The following FLRT2 variants were observed in gnomAD, a reference collection of about 807,000 sequenced individuals.
FLRT2 encodes the protein leucine-rich repeat transmembrane protein FLRT2.
Under a neutral mutation model 40.0 loss-of-function variants are expected in FLRT2, and 15 were observed. The observed-to-expected ratio is 0.38, with a 90% CI of 0.25 to 0.58. The LOEUF is 0.58. FLRT2 is among the 20% of genes least tolerant of loss of function. The pLI is 0.71. For synonymous variants in FLRT2, 380 were observed against 336.8 expected (o/e 1.13, Z -1.41); for missense variants, 726 against 840.0 (o/e 0.86, Z 1.68).
At chr14:85,583,895 T>G (rs932826647) in intron 1 of FLRT2, among the ~76,000 whole-genome samples, 2 of 150,770 alleles carry the variant, frequency 1.3e-5, no homozygotes, top group Admixed American at 6.6e-5. Context: ...GGGCCTGAGC[T>G]GGGAGGATCC....
rs1275574278 is a variant in FLRT2, at chr14:85,636,788, G to A, written c.*13291G>A. The stretch of plus-strand genomic sequence containing the variant: ...TACTAAAAATACAAAAATTAGCAGG[G>A]TATGGTGGCAGGCGCCTGTTATCCC... On this transcript the variant is annotated 3_prime_UTR_variant, in exon 2 of 2. Transcript: ENST00000330753. 4.0e-5 allele frequency: 6 copies of A among 151,706 alleles called. No individual in the cohort carries two copies. Among genetic ancestry groups the A allele is most frequent in the African/African-American group, 1.5e-4 (6 of 41,300 alleles). The allele number at this position is 151,706 out of a possible 1,614,324, so 9.4% of individuals were successfully genotyped here.
intron 1 of FLRT2, among the ~76,000 whole-genome samples, chr14:85,595,775 T>C (rs1892114227): frequency 6.6e-6 from 1 of 152,224 alleles, no homozygotes. Flanking sequence ...TAGCTATTTC[T>C]ATAGGGGAAT....
rs779838264 is a variant in FLRT2 at position 85,639,693 on chromosome 14, T to C, written c.*16196T>C. 1 of 152,052 alleles carries C rather than the reference T, an allele frequency of 6.6e-6. No individual in the cohort carries two copies. Among genetic ancestry groups the C allele is most frequent in the African/African-American group, 2.4e-5 (1 of 41,390 alleles). 9.4% of individuals were successfully genotyped at this position (152,052 alleles called of 1,614,324 possible). A position where few individuals can be genotyped will look rare whatever the true frequency, so the allele number is the denominator to read the frequency against. On this transcript the variant is annotated 3_prime_UTR_variant, in exon 2 of 2. Coordinates refer to ENST00000330753, the MANE Select transcript of FLRT2 (RefSeq NM_013231.6). ...TTATGTGCATTACCCATTTTAAAGATGGAAACACTGAAGCCCCCAGAAAGG... is the reference window on the plus strand; with the variant it reads ...TTATGTGCATTACCCATTTTAAAGACGGAAACACTGAAGCCCCCAGAAAGG...
intron 1 of FLRT2, among the ~76,000 whole-genome samples, chr14:85,544,494 C>T (rs1889166915): frequency 6.6e-6 from 1 of 152,052 alleles, no homozygotes; most frequent in Non-Finnish European, 1.5e-5. Flanking sequence ...TTATTTTTTG[C>T]TTGTTATTAT....
intron 1 of FLRT2, among the ~76,000 whole-genome samples, chr14:85,583,364 C>T (rs557123655): frequency 6.6e-6 from 1 of 152,150 alleles, no homozygotes; most frequent in African/African-American, 2.4e-5. Flanking sequence ...CATTCAGAAG[C>T]CTTGCAGCTG....
chr14:85,632,076 T>G lies in FLRT2; in HGVS notation c.*8579T>G, dbSNP rs1026042393. ...CCTGACCTCAGGTGATCCCCCCACC[T>G]AGGCCTCCCAAAGTGCTGGGATTAC... On this transcript the variant is annotated 3_prime_UTR_variant, in exon 2 of 2. Coordinates refer to ENST00000330753, the MANE Select transcript of FLRT2 (RefSeq NM_013231.6). 1.3e-5 allele frequency: 2 copies of G among 152,104 alleles called. No individual in the cohort carries two copies. Among genetic ancestry groups the G allele is most frequent in the Non-Finnish European group, 2.9e-5 (2 of 68,096 alleles). The allele number at this position is 152,104 out of a possible 1,614,324, so 9.4% of individuals were successfully genotyped here.
intron 1 of FLRT2, among the ~76,000 whole-genome samples, chr14:85,615,131 C>T (rs948460230): frequency 6.6e-6 from 1 of 152,082 alleles, no homozygotes; most frequent in Admixed American, 6.6e-5. Context: ...CAGTAGTTGA[C>T]GTGGAAAGAG....
At position 85,641,584 on chromosome 14, in the gene FLRT2, T is replaced by C. The variant is rs1894150694; in HGVS notation, c.*18087T>C. On this transcript the variant is annotated 3_prime_UTR_variant, in exon 2 of 2. Transcript: ENST00000330753. ...TGGACGCAACAGTTTAAGAGGTAGT[T>C]CCTGATTTATTCCCCTCCCCTTTCC... The C allele has an allele frequency of 6.6e-6, 1 of 152,192 alleles. No individual in the cohort carries two copies. Among genetic ancestry groups the C allele is most frequent in the Non-Finnish European group, 1.5e-5 (1 of 68,052 alleles). 9.4% of individuals were successfully genotyped at this position (152,192 alleles called of 1,614,324 possible). A position where few individuals can be genotyped will look rare whatever the true frequency, so the allele number is the denominator to read the frequency against.
intron 1 of FLRT2, among the ~76,000 whole-genome samples, chr14:85,548,385 G>A (rs918102559): frequency 6.6e-6 from 1 of 152,166 alleles, no homozygotes; most frequent in African/African-American, 2.4e-5. Flanking sequence ...TTTGAAAATA[G>A]GAAGGTAGAA....
chr14:85,603,337 A>G (rs895791267), intron 1 of FLRT2, among the ~76,000 whole-genome samples: 1 of 152,068 alleles, frequency 6.6e-6, no homozygotes, highest in African/African-American at 2.4e-5. Context: ...GGCATCGATT[A>G]TGAAGGAGAA....
At position 85,626,680 on chromosome 14, in the gene FLRT2, G is replaced by T. The variant is rs1027823511; in HGVS notation, c.*3183G>T. ...GCATGGGACAATCGCAGGCAGATACGAGGAATGTATCCCCTGCCTATTTTC... is the reference window on the plus strand; with the variant it reads ...GCATGGGACAATCGCAGGCAGATACTAGGAATGTATCCCCTGCCTATTTTC... On this transcript the variant is annotated 3_prime_UTR_variant, in exon 2 of 2. Coordinates refer to ENST00000330753, the MANE Select transcript of FLRT2 (RefSeq NM_013231.6). The T allele has an allele frequency of 6.0e-6, 1 of 167,040 alleles. No homozygotes were observed. Among genetic ancestry groups the T allele is most frequent in the Admixed American group, 6.5e-5 (1 of 15,272 alleles). 10.3% of individuals were successfully genotyped at this position (167,040 alleles called of 1,614,324 possible).
chr14:85,642,515 T>C lies in FLRT2; in HGVS notation c.*19018T>C, dbSNP rs1389471958. On this transcript the variant is annotated 3_prime_UTR_variant, in exon 2 of 2. Transcript: ENST00000330753. ...TCGTTCCCAGTGTCTCAGTAGGGCT[T>C]AAATATGAAGTATAAACTGGGAAGA... The C allele has an allele frequency of 6.6e-6, 1 of 152,066 alleles. No individual in the cohort carries two copies. Among genetic ancestry groups the C allele is most frequent in the African/African-American group, 2.4e-5 (1 of 41,388 alleles). 9.4% of individuals were successfully genotyped at this position (152,066 alleles called of 1,614,324 possible).
At chr14:85,547,330 T>C (rs1282660308) in intron 1 of FLRT2, among the ~76,000 whole-genome samples, 1 of 151,112 alleles carries the variant, frequency 6.6e-6, no homozygotes, top group South Asian at 2.1e-4. Context: ...TCTTTCTTTT[T>C]TTTTTTTTTT....
At chr14:85,580,939 G>T (rs545825587) in intron 1 of FLRT2, among the ~76,000 whole-genome samples, 2 of 152,300 alleles carry the variant, frequency 1.3e-5, no homozygotes, top group South Asian at 4.1e-4. Context: ...AAATAGTGGC[G>T]TTCTGGCTAA....
chr14:85,602,611 A>G (rs772483859), intron 1 of FLRT2, among the ~76,000 whole-genome samples: 2 of 152,232 alleles, frequency 1.3e-5, no homozygotes, highest in African/African-American at 2.4e-5. Context: ...AAATGTTCCA[A>G]TTATGAAGAG....
chr14:85,602,781 T>A (rs1892433652), intron 1 of FLRT2, among the ~76,000 whole-genome samples: 1 of 152,248 alleles, frequency 6.6e-6, no homozygotes, highest in Admixed American at 6.5e-5. Context: ...GAATTCTTTG[T>A]GTAGGGGACC....
chr14:85,552,413 A>C (rs1039295446), intron 1 of FLRT2, among the ~76,000 whole-genome samples: 2 of 152,216 alleles, frequency 1.3e-5, no homozygotes, highest in African/African-American at 4.8e-5. Flanking sequence ...CACAGGAGGC[A>C]TTTTGCATAG....
intron 1 of FLRT2, among the ~76,000 whole-genome samples, chr14:85,549,454 T>G (rs1000469750): frequency 1.3e-5 from 2 of 152,118 alleles, no homozygotes; most frequent in South Asian, 4.1e-4. Context: ...GCTGAGTAAA[T>G]GAGCCAACCC....
chr14:85,596,783 T>C (rs1892159350), intron 1 of FLRT2, among the ~76,000 whole-genome samples: 1 of 152,176 alleles, frequency 6.6e-6, no homozygotes, highest in Non-Finnish European at 1.5e-5. Flanking sequence ...CGCCTTGTTA[T>C]GGGGTGTGTT....
Sources: gnomAD v4.1 joint callset for allele counts (sites outside exome capture counted in the v4.1 genomes callset) on GRCh38, gnomAD v4.1.1 for gene constraint, MANE v1.5 for transcripts, NCBI Gene and HGNC (gene_info 2026-07-23, HGNC 2026-07-21) for gene names.